MAN1C1: variants seen among roughly 807,000 people sequenced by gnomAD.
MAN1C1 encodes the protein mannosidase alpha class 1C member 1.
In MAN1C1, 49 loss-of-function variants were observed where a neutral mutation model predicts 71.5. The observed-to-expected ratio is 0.69, with a 90% confidence interval of 0.54 to 0.87. The LOEUF is 0.87. Ranked by LOEUF, MAN1C1 falls within the 40% of genes least tolerant of loss-of-function variation. The pLI is 0.00. For missense variants in MAN1C1, 743 were observed against 835.0 expected (o/e 0.89, Z 1.36); for synonymous variants, 352 against 343.7 (o/e 1.02, Z -0.27).
At chr1:25,740,436 TGTTGTTGTC>T (rs1451503494) in intron 2 of MAN1C1, among the ~76,000 whole-genome samples, 1 of 151,498 alleles carries the variant, frequency 6.6e-6, no homozygotes, top group Non-Finnish European at 1.5e-5. Flanking sequence ...TTGTTGTTGT[TGTTGTTGTC>T]GTTGTTGTTG....
Position 25,778,093 on chromosome 1 carries a change from C to T in MAN1C1, c.1258-12C>T. The T allele has an allele frequency of 6.5e-7, 1 of 1,537,556 alleles. No individual in the cohort carries two copies. The highest frequency in any genetic ancestry group is 8.8e-7 in the Non-Finnish European group (1 of 1,137,492). On this transcript the variant is annotated splice_polypyrimidine_tract_variant and intron_variant, in intron 8 of 11. Coordinates refer to ENST00000374332, the MANE Select transcript of MAN1C1 (RefSeq NM_020379.4). This position sits in a 1 kb window ranked among gnomAD's most constrained non-coding sequence, Gnocchi z 5.5. ...GCCCCTTCTCCCTGCCCAATCCCCA[C>T]CTTGCTCCCAGGCGATAGAGACCTA...
intron 2 of MAN1C1, among the ~76,000 whole-genome samples, chr1:25,708,064 G>T (rs1457796378): frequency 1.3e-5 from 2 of 152,224 alleles, no homozygotes; most frequent in African/African-American, 4.8e-5. Flanking sequence ...AAAGAATTTG[G>T]GGCGAGTCCA....
At chr1:25,726,257 A>G (rs2046829149) in intron 2 of MAN1C1, among the ~76,000 whole-genome samples, 1 of 152,126 alleles carries the variant, frequency 6.6e-6, no homozygotes, top group Admixed American at 6.5e-5. Context: ...GGGAGGGAGG[A>G]CCACCACGAC....
chr1:25,640,414 C>T (rs917863678), intron 1 of MAN1C1, among the ~76,000 whole-genome samples: 2 of 152,184 alleles, frequency 1.3e-5, no homozygotes, highest in Non-Finnish European at 2.9e-5. Flanking sequence ...TGTTTTTCTG[C>T]ACTTCCTTGA....
Position 25,753,460 on chromosome 1 carries a change from GC to G in MAN1C1, c.835-21del. The G allele has an allele frequency of 6.3e-7, 1 of 1,587,536 alleles. No homozygotes were observed. ...TCCCTCACCCAGCCTGGAGTCAAAAGCCCTTTGATCCCCTCCTTTACAGGTG... is the reference window on the plus strand; with the variant it reads ...TCCCTCACCCAGCCTGGAGTCAAAAGCCTTTGATCCCCTCCTTTACAGGTG... On this transcript the variant is annotated intron_variant, in intron 4 of 11. Coordinates refer to ENST00000374332, the MANE Select transcript of MAN1C1 (RefSeq NM_020379.4). The surrounding 1 kb of genome is among the most constrained non-coding windows in gnomAD (Gnocchi z 4.9).
chr1:25,753,681 C>A lies in MAN1C1; in HGVS notation c.929+103C>A. On this transcript the variant is annotated intron_variant, in intron 5 of 11. Coordinates refer to ENST00000374332, the MANE Select transcript of MAN1C1 (RefSeq NM_020379.4). This position sits in a 1 kb window ranked among gnomAD's most constrained non-coding sequence, Gnocchi z 4.9. ...GTGAGGAGGCTCCAGGGGCAGTAGG[C>A]AGGCAAGCAGGAGGGGGGACCCTTG... is the stretch of plus-strand genomic sequence containing the variant. The A allele has an allele frequency of 1.0e-6, 1 of 956,878 alleles. No homozygotes were observed. The highest frequency in any genetic ancestry group is 2.5e-5 in the Admixed American group (1 of 40,490). 59.3% of individuals were successfully genotyped at this position (956,878 alleles called of 1,614,324 possible). A position where few individuals can be genotyped will look rare whatever the true frequency, so the allele number is the denominator to read the frequency against.
At position 25,618,217 on chromosome 1, in the gene MAN1C1, T is replaced by C; in HGVS notation, c.420T>C (p.Pro140=). The part of the protein sequence containing the change: ...PASRPGDEGV[P]FRFDFNAFRS... ...CCAGGCCCGGGGACGAGGGCGTCCC[T>C]TTCCGCTTTGACTTCAACGCATTCC... is the stretch of plus-strand genomic sequence containing the variant. The change falls in exon 1 of 12, where the codon CCT becomes CCC. Residue 140 remains proline, a synonymous_variant. Coordinates refer to ENST00000374332, the MANE Select transcript of MAN1C1 (RefSeq NM_020379.4). 6.3e-7 allele frequency: 1 copy of C among 1,597,300 alleles called. No individual in the cohort carries two copies. The highest frequency in any genetic ancestry group is 1.1e-5 in the South Asian group (1 of 88,492).
intron 7 of MAN1C1, 26 bp from the exon 8 acceptor site, chr1:25,771,631 T>C: frequency 1.3e-6 from 2 of 1,569,554 alleles, no homozygotes; most frequent in East Asian, 2.2e-5. Flanking sequence ...ATGGAGATAA[T>C]GTTCTTGTCC....
chr1:25,750,821 C>T (rs1309448902), intron 4 of MAN1C1, among the ~76,000 whole-genome samples: 2 of 152,116 alleles, frequency 1.3e-5, no homozygotes, highest in African/African-American at 2.4e-5. Context: ...GGGCATATGC[C>T]CAGCCTTCCT....
intron 1 of MAN1C1, among the ~76,000 whole-genome samples, chr1:25,623,590 T>A (rs1033920708): frequency 1.3e-5 from 2 of 152,194 alleles, no homozygotes; most frequent in African/African-American, 4.8e-5. Context: ...TTGTGATATA[T>A]ATCAGGCATA....
intron 4 of MAN1C1, among the ~76,000 whole-genome samples, chr1:25,751,843 T>C (rs2047220827): frequency 6.6e-6 from 1 of 152,220 alleles, no homozygotes; most frequent in African/African-American, 2.4e-5. Context: ...CTTTGTGCTA[T>C]GGGCCTGGGT....
intron 8 of MAN1C1, among the ~76,000 whole-genome samples, chr1:25,774,874 C>A (rs184708975): frequency 6.6e-6 from 1 of 151,454 alleles, no homozygotes; most frequent in African/African-American, 2.4e-5. Flanking sequence ...TGCACCGCTG[C>A]TTGCTGTGAT....
chr1:25,694,210 C>T (rs532328928), intron 2 of MAN1C1, among the ~76,000 whole-genome samples: 1 of 152,240 alleles, frequency 6.6e-6, no homozygotes, highest in African/African-American at 2.4e-5. Context: ...CTTGACCTCT[C>T]GTCACAGAGT....
chr1:25,688,879 G>A (rs1343499890), intron 2 of MAN1C1, among the ~76,000 whole-genome samples: 1 of 152,220 alleles, frequency 6.6e-6, no homozygotes, highest in African/African-American at 2.4e-5. Context: ...GTGAGCCTGT[G>A]GCAGGCTCTG....
chr1:25,626,494 G>GACT (rs2045296550), intron 1 of MAN1C1, among the ~76,000 whole-genome samples: 1 of 151,982 alleles, frequency 6.6e-6, no homozygotes, highest in Non-Finnish European at 1.5e-5. Flanking sequence ...GAGTAGCTGG[G>GACT]ACTACAGGTG....
chr1:25,623,802 G>A (rs971358763), intron 1 of MAN1C1, among the ~76,000 whole-genome samples: 3 of 152,132 alleles, frequency 2.0e-5, no homozygotes, highest in Non-Finnish European at 2.9e-5. Context: ...GGAGCTTTAG[G>A]CTCTCCCTGC....
chr1:25,684,077 T>C (rs1342580363), intron 1 of MAN1C1, among the ~76,000 whole-genome samples: 1 of 152,082 alleles, frequency 6.6e-6, no homozygotes, highest in Non-Finnish European at 1.5e-5. Flanking sequence ...CCCACTTCTC[T>C]CTCTCTAGGT....
rs2046967933 is a variant in MAN1C1 at position 25,735,280 on chromosome 1, T to C, written c.638-11388T>C. ...CAAAAACACAAAAATTAGCCGGGCA[T>C]GCTGACGCATGCCTGTAATCCCAGC... On this transcript the variant is annotated intron_variant, in intron 2 of 11. Transcript: ENST00000374332. This position sits in a 1 kb window ranked among gnomAD's most constrained non-coding sequence, Gnocchi z 4.6. Among the ~76,000 whole-genome samples the C allele has an allele frequency of 6.6e-6, 1 of 152,142 alleles. No homozygotes were observed. Among genetic ancestry groups the C allele is most frequent in the South Asian group, 2.1e-4 (1 of 4,826 alleles).
chr1:25,761,187 C>T (rs1557796806), intron 6 of MAN1C1: 5 of 152,046 alleles, frequency 3.3e-5, no homozygotes, highest in African/African-American at 1.2e-4. Context: ...CTCAAAGGAA[C>T]TGAAAAAGGA....
Sources: allele counts gnomAD v4.1 joint callset (sites outside exome capture counted in the v4.1 genomes callset), GRCh38; gene constraint gnomAD v4.1.1; non-coding constraint Gnocchi (gnomAD v3.1); transcripts MANE v1.5; gene names NCBI Gene and HGNC (gene_info 2026-07-23, HGNC 2026-07-21).